LOC128092252: variants seen among roughly 807,000 people sequenced by gnomAD.
chr15:50,675,299 C>T, the LOC128092252 span, among the ~76,000 whole-genome samples: 2,053 of 151,692 alleles, frequency 0.014, 42 homozygotes, highest in African/African-American at 0.048. Flanking sequence ...GCCAAGATCA[C>T]GCCATTGCAC....
At chr15:50,681,398 G>A in the LOC128092252 span, among the ~76,000 whole-genome samples, 6 of 152,034 alleles carry the variant, frequency 3.9e-5, no homozygotes, top group Non-Finnish European at 8.8e-5. Flanking sequence ...TATCTTCCGG[G>A]TACTGGGTAT....
chr15:50,668,524 G>C, the LOC128092252 span, among the ~76,000 whole-genome samples: 6 of 151,820 alleles, frequency 4.0e-5, no homozygotes, highest in African/African-American at 1.2e-4. Context: ...TTTGTTTTTT[G>C]AGACAAAGAG....
At chr15:50,655,898 G>C in the LOC128092252 span, among the ~76,000 whole-genome samples, 1 of 151,920 alleles carries the variant, frequency 6.6e-6, no homozygotes, top group Non-Finnish European at 1.5e-5. Flanking sequence ...GCTGAGGCAG[G>C]AGAATCACTT....
the LOC128092252 span, among the ~76,000 whole-genome samples, chr15:50,685,045 A>T: frequency 1.3e-5 from 2 of 152,220 alleles, no homozygotes; most frequent in Non-Finnish European, 2.9e-5. Flanking sequence ...TTTGTCTGGG[A>T]TTTGCTTTAA....
At chr15:50,681,700 C>T in the LOC128092252 span, among the ~76,000 whole-genome samples, 3 of 152,148 alleles carry the variant, frequency 2.0e-5, no homozygotes, top group Non-Finnish European at 4.4e-5. Context: ...CCACAAGGAG[C>T]TTTGTTTCCA....
chr15:50,676,871 T>G, the LOC128092252 span, among the ~76,000 whole-genome samples: 1 of 152,132 alleles, frequency 6.6e-6, no homozygotes, highest in Admixed American at 6.6e-5. Flanking sequence ...ATACTTAATA[T>G]TAATTCTACA....
At chr15:50,679,536 ATAT>A in the LOC128092252 span, among the ~76,000 whole-genome samples, 4,931 of 48,216 alleles carry the variant, frequency 0.1, 92 homozygotes, top group Non-Finnish European at 0.13. Flanking sequence ...ATATATATAT[ATAT>A]TTTTTTTTTT....
the LOC128092252 span, among the ~76,000 whole-genome samples, chr15:50,659,753 C>T: frequency 3.3e-5 from 5 of 151,946 alleles, no homozygotes; most frequent in East Asian, 3.9e-4. Context: ...CTGCAACCTC[C>T]GTCTCCTGGA....
At chr15:50,648,836 G>C in the LOC128092252 span, 1 of 1,612,690 alleles carries the variant, frequency 6.2e-7, no homozygotes, top group Non-Finnish European at 8.5e-7. Context: ...TTCATGGCAA[G>C]ACTTGCAGTA....
chr15:50,685,979 T>C, the LOC128092252 span, among the ~76,000 whole-genome samples: 1 of 152,188 alleles, frequency 6.6e-6, no homozygotes, highest in Non-Finnish European at 1.5e-5. Context: ...CCCTCCCTTT[T>C]GGTTCCAAAA....
At chr15:50,656,870 A>G in the LOC128092252 span, among the ~76,000 whole-genome samples, 9 of 152,034 alleles carry the variant, frequency 5.9e-5, no homozygotes, top group African/African-American at 2.2e-4. Context: ...ACCAAATCCT[A>G]TTGCATTTAT....
the LOC128092252 span, among the ~76,000 whole-genome samples, chr15:50,655,767 G>A: frequency 6.6e-6 from 1 of 152,134 alleles, no homozygotes; most frequent in Non-Finnish European, 1.5e-5. Context: ...GGAGGCCAAG[G>A]CAGGCAGATC....
At chr15:50,683,888 G>A in the LOC128092252 span, among the ~76,000 whole-genome samples, 2 of 149,022 alleles carry the variant, frequency 1.3e-5, no homozygotes, top group African/African-American at 2.5e-5. Flanking sequence ...TTTTTTTTTT[G>A]AGAAAGACTC....
chr15:50,686,677 A>G, the LOC128092252 span: 18 of 1,093,400 alleles, frequency 1.6e-5, no homozygotes, highest in Non-Finnish European at 2.2e-5. Flanking sequence ...TCTCAGAACT[A>G]ACTCAGCTCC....
chr15:50,654,619 TGG>T, the LOC128092252 span, among the ~76,000 whole-genome samples: 1 of 151,324 alleles, frequency 6.6e-6, no homozygotes, highest in Non-Finnish European at 1.5e-5. Context: ...AGAGTGCACA[TGG>T]TGCATCTCAG....
chr15:50,663,138 T>C, the LOC128092252 span: 1 of 1,014,060 alleles, frequency 9.9e-7, no homozygotes. Context: ...CAGTTCTTTT[T>C]TTTTTTTGAG....
chr15:50,665,467 T>C, the LOC128092252 span, among the ~76,000 whole-genome samples: 1 of 152,006 alleles, frequency 6.6e-6, no homozygotes, highest in Non-Finnish European at 1.5e-5. Context: ...ACTGGGTATC[T>C]GGCAGATCAT....
At chr15:50,651,698 G>C in the LOC128092252 span, among the ~76,000 whole-genome samples, 1 of 151,860 alleles carries the variant, frequency 6.6e-6, no homozygotes, top group Non-Finnish European at 1.5e-5. Context: ...GCATGATGAA[G>C]ACCAACATGG....
At chr15:50,666,138 A>G in the LOC128092252 span, among the ~76,000 whole-genome samples, 1 of 152,210 alleles carries the variant, frequency 6.6e-6, no homozygotes, top group East Asian at 1.9e-4. Context: ...CAGCAAGATA[A>G]GCAAAAGTTA....
Sources: allele counts gnomAD v4.1 joint callset (sites outside exome capture counted in the v4.1 genomes callset), GRCh38; gene constraint gnomAD v4.1.1; transcripts MANE v1.5.